Variants in AFF2 observed in about 807,000 individuals in gnomAD.
The protein encoded by AFF2 is ALF transcription elongation factor 2.
Under a neutral mutation model 76.9 loss-of-function variants are expected in AFF2, and 14 were observed. The observed-to-expected ratio is 0.18, with a 90% CI of 0.12 to 0.28. The LOEUF (loss-of-function observed/expected upper bound fraction) is 0.28, where lower values mean the gene tolerates loss of function less well. AFF2 is among the 10% of genes least tolerant of loss of function. AFF2 has a pLI of 1.00. For missense variants in AFF2, 868 were observed against 1,001.1 expected (o/e 0.87, Z 1.79); for synonymous variants, 398 against 366.7 (o/e 1.09, Z -0.98).
chrX:148,732,520 A>G (rs1181575179), intron 3 of AFF2, among the ~76,000 whole-genome samples: 1 of 94,422 alleles, frequency 1.1e-5, no homozygotes, highest in Non-Finnish European at 2.1e-5. Context: ...GCACATGTAT[A>G]CATATGTAAC....
At chrX:148,975,943 C>CAAAAAAAAAAAAAAAAAAAA (rs59057839) in intron 16 of AFF2, among the ~76,000 whole-genome samples, 2 of 22,713 alleles carry the variant, frequency 8.8e-5, no homozygotes, top group East Asian at 5.4e-3. Context: ...GACTCCGTCT[C>CAAAAAAAAAAAAAAAAAAAA]AAAAAAAAAA....
At chrX:148,630,731 C>A (rs185459572) in intron 1 of AFF2, among the ~76,000 whole-genome samples, 6 of 111,986 alleles carry the variant, frequency 5.4e-5, no homozygotes, top group African/African-American at 1.6e-4. Context: ...AGGAAACCTG[C>A]TGGTGGAGTC....
At chrX:148,850,354 C>T (rs1490625832) in intron 7 of AFF2, among the ~76,000 whole-genome samples, 1 of 111,934 alleles carries the variant, frequency 8.9e-6, no homozygotes, top group Non-Finnish European at 1.9e-5. Context: ...AAAATATCCC[C>T]ATCTGTTATC....
At chrX:148,510,347 G>A (rs941753904) in intron 1 of AFF2, among the ~76,000 whole-genome samples, 1 of 111,833 alleles carries the variant, frequency 8.9e-6, no homozygotes, top group African/African-American at 3.3e-5. Context: ...AACAGAGCAG[G>A]AAACTGGGAC....
intron 1 of AFF2, among the ~76,000 whole-genome samples, chrX:148,542,442 T>C (rs142945054): frequency 2.9e-3 from 322 of 111,616 alleles, no homozygotes; most frequent in Non-Finnish European, 4.9e-3. Flanking sequence ...CATCCCCAAA[T>C]TGATGCCTCT....
chrX:148,505,944 AGT>A (rs2052409132), intron 1 of AFF2, among the ~76,000 whole-genome samples: 1 of 95,986 alleles, frequency 1.0e-5, no homozygotes, highest in Admixed American at 1.1e-4. Flanking sequence ...AACCTTTTTG[AGT>A]GTGTGTGTCT....
intron 19 of AFF2, 38 bp from the exon 20 acceptor site, chrX:148,987,329 T>G (rs781820956): frequency 8.7e-7 from 1 of 1,155,813 alleles, no homozygotes; most frequent in African/African-American, 1.8e-5. Context: ...CACTCTTTCC[T>G]ACCAGCCTAA....
intron 9 of AFF2, among the ~76,000 whole-genome samples, chrX:148,939,523 T>C (rs1191906827): frequency 1.8e-5 from 2 of 112,167 alleles, no homozygotes; most frequent in African/African-American, 6.5e-5. Context: ...AACCCAAATG[T>C]GGGTTGTTGT....
intron 4 of AFF2, among the ~76,000 whole-genome samples, chrX:148,826,235 C>T (rs1477890512): frequency 1.7e-5 from 1 of 58,846 alleles, no homozygotes; most frequent in Non-Finnish European, 3.0e-5. Context: ...TTGCAAGGGG[C>T]GGGGGGTGGG....
chrX:148,558,474 A>G (rs922137762), intron 1 of AFF2, among the ~76,000 whole-genome samples: 24 of 111,520 alleles, frequency 2.2e-4, no homozygotes, highest in African/African-American at 7.2e-4. Context: ...TCTGTCATTT[A>G]CAGACATATA....
At chrX:148,967,154 C>T (rs1243731817) in intron 14 of AFF2, 75 bp downstream of exon 14, 10 of 1,167,936 alleles carry the variant, frequency 8.6e-6, no homozygotes, top group Non-Finnish European at 1.0e-5. Context: ...TTTTCTAGTG[C>T]TGTGCATGTG....
intron 7 of AFF2, among the ~76,000 whole-genome samples, chrX:148,849,413 T>C (rs193228850): frequency 2.5e-4 from 21 of 85,642 alleles, no homozygotes; most frequent in African/African-American, 8.9e-4. Context: ...TCTCCTTCTC[T>C]CTTTTCTGTC....
chrX:148,518,279 C>T (rs1017041600), intron 1 of AFF2, among the ~76,000 whole-genome samples: 4 of 111,694 alleles, frequency 3.6e-5, no homozygotes, highest in African/African-American at 1.3e-4. Flanking sequence ...CTGTTTTCTT[C>T]CAGAGAGCCA....
At chrX:148,730,294 G>A (rs1031455076) in intron 3 of AFF2, among the ~76,000 whole-genome samples, 4 of 112,047 alleles carry the variant, frequency 3.6e-5, no homozygotes, top group Admixed American at 9.5e-5. Context: ...CTCCAAAGCC[G>A]TTCCAAACAC....
chrX:148,723,422 G>A (rs892420740), intron 3 of AFF2, among the ~76,000 whole-genome samples: 38 of 111,678 alleles, frequency 3.4e-4, no homozygotes, highest in African/African-American at 1.2e-3. Flanking sequence ...ATCATGTGAA[G>A]CATTCACTTT....
chrX:148,724,593 C>T (rs1352859558), intron 3 of AFF2, among the ~76,000 whole-genome samples: 1 of 112,048 alleles, frequency 8.9e-6, no homozygotes, highest in Non-Finnish European at 1.9e-5. Context: ...ATTACTATCC[C>T]ATTTTACAAA....
At chrX:148,916,196 C>CTTT (rs782508166) in intron 9 of AFF2, among the ~76,000 whole-genome samples, 15 of 34,034 alleles carry the variant, frequency 4.4e-4, no homozygotes, top group African/African-American at 1.6e-3. Context: ...GTGGTTTTAA[C>CTTT]TTTTTTTTTT....
At chrX:148,876,745 A>G (rs1557277944) in intron 7 of AFF2, among the ~76,000 whole-genome samples, 1 of 111,329 alleles carries the variant, frequency 9.0e-6, no homozygotes, top group East Asian at 2.9e-4. Context: ...GGCACCCTGG[A>G]GAACCTGCAG....
intron 3 of AFF2, among the ~76,000 whole-genome samples, chrX:148,737,205 G>T (rs973879895): frequency 1.4e-4 from 16 of 111,388 alleles, no homozygotes; most frequent in African/African-American, 4.9e-4. Flanking sequence ...ATTGCTTTCG[G>T]CAGTATGCTC....
Sources: gnomAD v4.1 joint callset for allele counts (sites outside exome capture counted in the v4.1 genomes callset) on GRCh38, gnomAD v4.1.1 for gene constraint, MANE v1.5 for transcripts, NCBI Gene and HGNC (gene_info 2026-07-23, HGNC 2026-07-21) for gene names.